CD8A: variants seen among roughly 807,000 people sequenced by gnomAD.
The protein encoded by CD8A is CD8 subunit alpha, also known as T-cell surface glycoprotein CD8 alpha chain.
CD8A carries 25 observed loss-of-function variants against 24.2 expected under a neutral mutation model. The observed-to-expected ratio is 1.03, with a 90% CI of 0.75 to 1.44. CD8A has a LOEUF of 1.44. Among genes scored for constraint, CD8A ranks in the 40% most tolerant of loss-of-function variants. CD8A has a pLI of 0.00. For synonymous variants in CD8A, 165 were observed against 149.9 expected, an observed-to-expected ratio of 1.10 and a Z score of -0.74; for missense variants, 360 against 319.7, an observed-to-expected ratio of 1.13 and a Z score of -0.96.
chr2:86,787,787 T>C (rs1673078042), intron 5 of CD8A, among the ~76,000 whole-genome samples: 1 of 152,090 alleles, frequency 6.6e-6, no homozygotes, highest in Non-Finnish European at 1.5e-5. Context: ...ATGGGGAGTA[T>C]TACCCCTATC....
chr2:86,797,426 GC>G (rs1288217020), intron 3 of CD8A, among the ~76,000 whole-genome samples: 2 of 152,182 alleles, frequency 1.3e-5, no homozygotes, highest in Admixed American at 1.3e-4. Flanking sequence ...GGAGGTTTGG[GC>G]TATAAGAGAA....
rs1033828675 is a variant in CD8A at position 86,807,166 on chromosome 2, T to TA, written c.-418+280dup. 1.3e-3 allele frequency among the ~76,000 whole-genome samples: 195 copies of TA among 147,038 alleles called. 1 individual carries two copies. The highest frequency in any genetic ancestry group is 7.2e-3 in the Middle Eastern group (2 of 278). ...TCTCAAAAAATAAAATAAAATAAAATAAAAAAAAAAGCCAGCGTGCTGGCG... is the reference window on the plus strand; with the variant it reads ...TCTCAAAAAATAAAATAAAATAAAATAAAAAAAAAAAGCCAGCGTGCTGGCG... On this transcript the variant is annotated intron_variant, in intron 2 of 8. Transcript: ENST00000409511.
chr2:86,801,826 ATAAATCCTGTTATT>A (rs1043293557), intron 2 of CD8A, among the ~76,000 whole-genome samples: 7 of 152,352 alleles, frequency 4.6e-5, no homozygotes, highest in African/African-American at 1.4e-4. Context: ...AATAAATAAA[ATAAATCCTGTTATT>A]TTATGGGTTC....
At chr2:86,793,726 G>C (rs114548434), upstream of CD8A, among the ~76,000 whole-genome samples, 910 of 152,314 alleles carry the variant, frequency 6.0e-3, 9 homozygotes, top group African/African-American at 0.018. Context: ...CCACCTATTT[G>C]GATCTTGAGA....
At position 86,785,019 on chromosome 2, in the gene CD8A, C is replaced by T. The variant is rs1296005905; in HGVS notation, c.*901G>A. The T allele has an allele frequency of 6.6e-6, 3 of 453,910 alleles. No individual in the cohort carries two copies. Among genetic ancestry groups the T allele is most frequent in the Non-Finnish European group, 1.3e-5 (3 of 226,786 alleles). The allele number at this position is 453,910 out of a possible 1,614,324, so 28.1% of individuals were successfully genotyped here. On this transcript the variant is annotated 3_prime_UTR_variant, in exon 6 of 6. Coordinates refer to ENST00000283635, the MANE Select transcript of CD8A (RefSeq NM_001768.7). ...AAAGTATAAAAAGTCATCAGTGATCCCAGGAACATGTTTGTATCTCAAATT... is the reference window on the plus strand; with the variant it reads ...AAAGTATAAAAAGTCATCAGTGATCTCAGGAACATGTTTGTATCTCAAATT...
upstream of CD8A, among the ~76,000 whole-genome samples, chr2:86,793,453 C>T (rs1021051238): frequency 6.6e-6 from 1 of 152,154 alleles, no homozygotes; most frequent in Non-Finnish European, 1.5e-5. Flanking sequence ...GAGGGTCCCT[C>T]GCTGTGTAGA....
At position 86,790,356 on chromosome 2, in the gene CD8A, G is replaced by T. The variant is rs201160151; in HGVS notation, c.375C>A (p.Phe125Leu). Residue 125 changes from phenylalanine (F) to leucine (L), a missense_variant, in exon 2 of 6, where the codon TTC becomes TTA. Coordinates refer to ENST00000283635, the MANE Select transcript of CD8A (RefSeq NM_001768.7). ...CSALSNSIMY[F>L]SHFVPVFLPA... ...GCAGGAAGACCGGCACGAAGTGGCT[G>T]AAGTACATGATGGAGTTGCTCAGGG... 2.5e-6 allele frequency: 4 copies of T among 1,614,008 alleles called. No individual in the cohort carries two copies. The highest frequency in any genetic ancestry group is 3.4e-6 in the Non-Finnish European group (4 of 1,179,950).
At chr2:86,800,628 G>C (rs1483322768) in intron 3 of CD8A, among the ~76,000 whole-genome samples, 1 of 152,076 alleles carries the variant, frequency 6.6e-6, no homozygotes, top group African/African-American at 2.4e-5. Flanking sequence ...TACTTGGTAG[G>C]CTTCGGTAAA....
At chr2:86,802,421 G>A (rs1673703680) in intron 2 of CD8A, among the ~76,000 whole-genome samples, 1 of 152,094 alleles carries the variant, frequency 6.6e-6, no homozygotes, top group Non-Finnish European at 1.5e-5. Context: ...ATTAATAGTC[G>A]CAATGATGAC....
intron 3 of CD8A, among the ~76,000 whole-genome samples, chr2:86,796,358 C>T (rs552603056): frequency 9.2e-5 from 14 of 152,274 alleles, no homozygotes; most frequent in African/African-American, 3.4e-4. Context: ...ATCAAAAATA[C>T]TCTTAGTGCC....
At chr2:86,797,729 T>C (rs1008202078) in intron 3 of CD8A, among the ~76,000 whole-genome samples, 1 of 150,366 alleles carries the variant, frequency 6.7e-6, no homozygotes, top group African/African-American at 2.4e-5. Context: ...TAGAACAATA[T>C]GTCAAATAAT....
At chr2:86,800,096 C>T (rs757485697) in intron 3 of CD8A, among the ~76,000 whole-genome samples, 13 of 151,654 alleles carry the variant, frequency 8.6e-5, no homozygotes, top group Non-Finnish European at 1.9e-4. Flanking sequence ...TCAAGTTTAG[C>T]GCTAAAGAAA....
intron 2 of CD8A, 64 bp downstream of exon 2, chr2:86,790,264 G>T: frequency 8.3e-7 from 1 of 1,200,794 alleles, no homozygotes; most frequent in Non-Finnish European, 1.2e-6. Flanking sequence ...GCCCAGGTGT[G>T]GAAAACAGGT....
chr2:86,785,189 T>TA lies in CD8A; in HGVS notation c.*730_*731insT, dbSNP rs1199965092. 1 of 454,024 alleles carries TA rather than the reference T, an allele frequency of 2.2e-6. No individual in the cohort carries two copies. The highest frequency in any genetic ancestry group is 1.6e-5 in the South Asian group (1 of 64,468). The allele number at this position is 454,024 out of a possible 1,614,324, so 28.1% of individuals were successfully genotyped here. On this transcript the variant is annotated 3_prime_UTR_variant, in exon 6 of 6. Coordinates refer to ENST00000283635, the MANE Select transcript of CD8A (RefSeq NM_001768.7). ...CTCCACATAGGGGTTTCACAGAGAT[T>TA]TTCTTTAGAGATAGAGGGATTCATT...
chr2:86,791,079 C>G (rs1229461575), upstream of CD8A: 2 of 696,660 alleles, frequency 2.9e-6, no homozygotes, highest in African/African-American at 3.5e-5. Context: ...GGCCAGGCAA[C>G]TGGGGGCAGC....
intron 2 of CD8A, among the ~76,000 whole-genome samples, chr2:86,805,496 G>T (rs987996829): frequency 5.3e-5 from 8 of 152,160 alleles, no homozygotes; most frequent in African/African-American, 1.9e-4. Flanking sequence ...TTCTGGTTTT[G>T]TCAGTCTTTT....
Position 86,790,404 on chromosome 2 carries a change from G to T in CD8A, c.327C>A (p.Asn109Lys). The change falls in exon 2 of 6, where the codon AAC (asparagine) becomes AAA (lysine). Residue 109 changes from asparagine to lysine, a missense_variant. By Grantham distance (94) the Asn-to-Lys change is moderately conservative. Coordinates refer to ENST00000283635, the MANE Select transcript of CD8A (RefSeq NM_001768.7). ...VLTLSDFRRE[N>K]EGYYFCSALS... ...GGGCCGAGCAGAAATAGTAGCCCTC[G>T]TTCTCTCGGCGGAAGTCGCTCAGGG... is the stretch of plus-strand genomic sequence containing the variant. 2 of 1,614,144 alleles carry T rather than the reference G, an allele frequency of 1.2e-6. No individual in the cohort carries two copies. Among genetic ancestry groups the T allele is most frequent in the South Asian group, 1.1e-5 (1 of 91,078 alleles).
At chr2:86,795,267 G>C (rs1673444123), upstream of CD8A, among the ~76,000 whole-genome samples, 1 of 152,194 alleles carries the variant, frequency 6.6e-6, no homozygotes. Flanking sequence ...GGTAGAAGTA[G>C]GGTACAGCAG....
Position 86,790,524 on chromosome 2 carries a change from G to A in CD8A, c.207C>T (p.Phe69=). ...QPRGAAASPT[F]LLYLSQNKPK... ...GCTTGTTTTGGGAGAGGTATAGGAG[G>A]AAGGTGGGACTGGCGGCGGCGCCGC... The change falls in exon 2 of 6, where the codon TTC becomes TTT. Residue 69 remains phenylalanine (F), a synonymous_variant. Coordinates refer to ENST00000283635, the MANE Select transcript of CD8A (RefSeq NM_001768.7). 1 of 1,614,032 alleles carries A rather than the reference G, an allele frequency of 6.2e-7. No homozygotes were observed. The highest frequency in any genetic ancestry group is 2.2e-5 in the East Asian group (1 of 44,864).
Sources: allele counts gnomAD v4.1 joint callset (sites outside exome capture counted in the v4.1 genomes callset), GRCh38; gene constraint gnomAD v4.1.1; transcripts MANE v1.5; gene names NCBI Gene and HGNC (gene_info 2026-07-23, HGNC 2026-07-21).